The following DNAJC1 variants were observed in gnomAD, a reference collection of about 807,000 sequenced individuals.
The protein encoded by DNAJC1 is dnaJ homolog subfamily C member 1.
A neutral mutation model predicts 76.6 loss-of-function variants in DNAJC1; 58 were observed. The ratio of observed to expected loss-of-function variants is 0.76; its 90% CI spans 0.61 to 0.94. The LOEUF is 0.94. DNAJC1 is among the 40% of genes least tolerant of loss of function. The probability of loss-of-function intolerance (pLI) is 0.00; values close to 1 mark genes in which losing one functional copy is unlikely to be tolerated. For missense variants in DNAJC1, 689 were observed against 677.3 expected (o/e 1.02, Z -0.19); for synonymous variants, 258 against 267.9 (o/e 0.96, Z 0.36).
At chr10:21,942,161 C>T (rs1837424161) in intron 1 of DNAJC1, among the ~76,000 whole-genome samples, 1 of 151,790 alleles carries the variant, frequency 6.6e-6, no homozygotes, top group South Asian at 2.1e-4. Flanking sequence ...AAAACAGACG[C>T]AAACAAAAGA....
At chr10:21,995,262 G>A (rs1179445199) in intron 1 of DNAJC1, among the ~76,000 whole-genome samples, 1 of 152,114 alleles carries the variant, frequency 6.6e-6, no homozygotes, top group Non-Finnish European at 1.5e-5. Flanking sequence ...CGGACCCTAA[G>A]ATTTCTTCAT....
At chr10:21,769,530 T>A (rs1414036627) in intron 9 of DNAJC1, among the ~76,000 whole-genome samples, 1 of 152,216 alleles carries the variant, frequency 6.6e-6, no homozygotes, top group Non-Finnish European at 1.5e-5. Context: ...AACCACCTTT[T>A]AAATCCAAAT....
chr10:21,906,681 C>A (rs1410193527), intron 6 of DNAJC1, among the ~76,000 whole-genome samples: 1 of 152,126 alleles, frequency 6.6e-6, no homozygotes, highest in Non-Finnish European at 1.5e-5. Context: ...GAATTAAGAA[C>A]TCAGCTCTGC....
intron 10 of DNAJC1, among the ~76,000 whole-genome samples, chr10:21,764,235 G>C (rs1564780482): frequency 6.6e-6 from 1 of 152,176 alleles, no homozygotes; most frequent in East Asian, 1.9e-4. Context: ...TGAGTGTACG[G>C]AGTGAAAAAA....
chr10:21,823,216 G>T (rs984670916), intron 8 of DNAJC1, among the ~76,000 whole-genome samples: 7 of 152,132 alleles, frequency 4.6e-5, no homozygotes, highest in Non-Finnish European at 8.8e-5. Context: ...CTAAAACTTA[G>T]ATGAATTATG....
chr10:21,845,413 G>A (rs1489772887), intron 8 of DNAJC1, among the ~76,000 whole-genome samples: 1 of 151,184 alleles, frequency 6.6e-6, no homozygotes, highest in Non-Finnish European at 1.5e-5. Context: ...GGAGCACAGT[G>A]GTGTGATCTC....
chr10:21,840,320 T>C (rs1014840960), intron 8 of DNAJC1, among the ~76,000 whole-genome samples: 7 of 152,194 alleles, frequency 4.6e-5, no homozygotes, highest in Non-Finnish European at 2.9e-5. Flanking sequence ...TTGTCCCTGT[T>C]TGCAGACGAC....
intron 10 of DNAJC1, among the ~76,000 whole-genome samples, chr10:21,765,847 A>AG (rs1226924750): frequency 6.6e-6 from 1 of 151,648 alleles, no homozygotes; most frequent in African/African-American, 2.4e-5. Flanking sequence ...CCGTCTCAAA[A>AG]AAAAGGAAAC....
At chr10:21,956,026 T>C (rs1837675027) in intron 1 of DNAJC1, among the ~76,000 whole-genome samples, 1 of 152,252 alleles carries the variant, frequency 6.6e-6, no homozygotes, top group East Asian at 1.9e-4. Flanking sequence ...TGTATTGTGA[T>C]GCTCTAACAA....
At chr10:21,888,390 T>C (rs539406356) in intron 7 of DNAJC1, among the ~76,000 whole-genome samples, 6 of 152,302 alleles carry the variant, frequency 3.9e-5, no homozygotes, top group South Asian at 2.1e-4. Flanking sequence ...ACTGAGTATA[T>C]ACTCAGAGGA....
intron 1 of DNAJC1, among the ~76,000 whole-genome samples, chr10:21,943,940 C>T (rs957841280): frequency 1.3e-5 from 2 of 151,914 alleles, no homozygotes; most frequent in African/African-American, 4.8e-5. Context: ...GCACCCATAT[C>T]TGTAAAGGGA....
Position 21,935,714 on chromosome 10 carries a change from G to A in DNAJC1, c.223-6573C>T, listed in dbSNP as rs187218187. ...TCAAAATGTTAAAAGAAAGAGTCCC[G>A]AAAGCAGCAAAAGAAGCAACTTATC... On this transcript the variant is annotated intron_variant, in intron 1 of 11. Coordinates refer to ENST00000376980, the MANE Select transcript of DNAJC1 (RefSeq NM_022365.4). Among the ~76,000 whole-genome samples, 276 of 151,880 alleles carry A rather than the reference G, an allele frequency of 1.8e-3. 1 individual carries two copies. Among genetic ancestry groups the A allele is most frequent in the Middle Eastern group, 3.4e-3 (1 of 292 alleles).
intron 1 of DNAJC1, among the ~76,000 whole-genome samples, chr10:21,987,794 T>C (rs1390477157): frequency 6.6e-6 from 1 of 152,210 alleles, no homozygotes; most frequent in African/African-American, 2.4e-5. Context: ...GGATATATGT[T>C]AGTAATATTA....
intron 3 of DNAJC1, 109 bp from the exon 4 acceptor site, chr10:21,921,072 G>A (rs1837035375): frequency 5.1e-6 from 5 of 978,434 alleles, no homozygotes; most frequent in African/African-American, 1.7e-5. Context: ...ATCCAAAATA[G>A]ATAATGTTTA....
intron 1 of DNAJC1, among the ~76,000 whole-genome samples, chr10:21,975,034 G>A (rs1022947439): frequency 1.3e-5 from 2 of 151,950 alleles, no homozygotes; most frequent in African/African-American, 2.4e-5. Flanking sequence ...AAATGGTATG[G>A]AAGTATATAT....
chr10:21,914,614 T>C (rs750186779), intron 6 of DNAJC1, among the ~76,000 whole-genome samples: 4 of 152,282 alleles, frequency 2.6e-5, no homozygotes, highest in Middle Eastern at 3.4e-3. Context: ...AATTCCTAAA[T>C]AGATATACTC....
At chr10:21,769,064 C>T (rs2131620207) in intron 9 of DNAJC1, among the ~76,000 whole-genome samples, 1 of 152,274 alleles carries the variant, frequency 6.6e-6, no homozygotes, top group East Asian at 1.9e-4. Flanking sequence ...CTCCACTGGC[C>T]TCTCCTATAT....
intron 8 of DNAJC1, among the ~76,000 whole-genome samples, chr10:21,879,961 C>T (rs761852034): frequency 3.9e-5 from 6 of 152,192 alleles, no homozygotes; most frequent in Admixed American, 6.5e-5. Context: ...TGTGATGCTG[C>T]TTGATAGCAT....
In DNAJC1 at chr10:21,850,122, C is replaced by G. The variant is rs1178221914; in HGVS notation, c.978+32160G>C. ...ATAGTACTGGAAGTTCTAGCCAGGG[C>G]AACTGTGTAAGAAAGAGAAATAATG... On this transcript the variant is annotated intron_variant, in intron 8 of 11. Transcript: ENST00000376980. Among the ~76,000 whole-genome samples, 3 of 151,948 alleles carry G rather than the reference C, an allele frequency of 2.0e-5. 1 individual carries two copies. The East Asian group carries it at 5.8e-4, about 29-fold the overall frequency.
Sources: allele counts gnomAD v4.1 joint callset (sites outside exome capture counted in the v4.1 genomes callset), GRCh38; gene constraint gnomAD v4.1.1; transcripts MANE v1.5; gene names NCBI Gene and HGNC (gene_info 2026-07-23, HGNC 2026-07-21).